Variants in NKAIN2 observed in about 807,000 individuals in gnomAD.
NKAIN2 encodes sodium/potassium transporting ATPase interacting 2, also known as sodium/potassium-transporting ATPase subunit beta-1-interacting protein 2.
NKAIN2 carries 14 observed loss-of-function variants against 32.6 expected under a neutral mutation model. That is an observed-to-expected ratio of 0.43 (90% confidence interval 0.28 to 0.67). The LOEUF (loss-of-function observed/expected upper bound fraction) is 0.67, where lower values mean the gene tolerates loss of function less well. Ranked by LOEUF, NKAIN2 falls within the 30% of genes least tolerant of loss-of-function variation. NKAIN2 has a pLI of 0.17. For missense variants in NKAIN2, 198 were observed against 258.3 expected (o/e 0.77, Z 1.60); for synonymous variants, 80 against 87.2 (o/e 0.92, Z 0.46).
At chr6:123,894,557 T>C (rs140975199) in intron 1 of NKAIN2, among the ~76,000 whole-genome samples, 6 of 151,624 alleles carry the variant, frequency 4.0e-5, no homozygotes, top group Middle Eastern at 3.4e-3. Context: ...AGGTAGAAGC[T>C]ACCAGAAAAA....
At chr6:124,510,938 A>G (rs75095944) in intron 3 of NKAIN2, among the ~76,000 whole-genome samples, 2,261 of 152,294 alleles carry the variant, frequency 0.015, 49 homozygotes, top group African/African-American at 0.051. Context: ...TAAAATATAC[A>G]TTTTTATTTG....
intron 3 of NKAIN2, among the ~76,000 whole-genome samples, chr6:124,455,129 A>G (rs1043338914): frequency 1.3e-5 from 2 of 152,104 alleles, no homozygotes; most frequent in African/African-American, 4.8e-5. Flanking sequence ...CCTTCAGGTT[A>G]CTCATCGGTG....
At chr6:124,302,190 G>A (rs1583017618) in intron 2 of NKAIN2, among the ~76,000 whole-genome samples, 1 of 152,204 alleles carries the variant, frequency 6.6e-6, no homozygotes, top group East Asian at 1.9e-4. Context: ...CATGTAAGAG[G>A]TGACTTTGCT....
chr6:124,196,583 T>C (rs1790324815), intron 1 of NKAIN2, among the ~76,000 whole-genome samples: 1 of 152,190 alleles, frequency 6.6e-6, no homozygotes, highest in Non-Finnish European at 1.5e-5. Context: ...AACCTTTGCA[T>C]CTTGGATACA....
intron 3 of NKAIN2, among the ~76,000 whole-genome samples, chr6:124,469,358 G>A (rs376126760): frequency 1.1e-4 from 16 of 152,246 alleles, no homozygotes; most frequent in African/African-American, 3.9e-4. Flanking sequence ...ATTCTGCTCA[G>A]CAGGGTTTCT....
chr6:123,883,738 C>A (rs1476296289), intron 1 of NKAIN2, among the ~76,000 whole-genome samples: 1 of 148,976 alleles, frequency 6.7e-6, no homozygotes, highest in Non-Finnish European at 1.5e-5. Context: ...AAAAAATGTA[C>A]CTCTTTTTTA....
At chr6:124,255,023 C>T (rs766771981) in intron 1 of NKAIN2, among the ~76,000 whole-genome samples, 9 of 152,116 alleles carry the variant, frequency 5.9e-5, no homozygotes, top group Non-Finnish European at 1.2e-4. Flanking sequence ...CCCTTGGCTC[C>T]GATAGTGAAC....
intron 4 of NKAIN2, among the ~76,000 whole-genome samples, chr6:124,748,191 T>C (rs1337863): frequency 0.42 from 63,018 of 151,748 alleles, 13,876 homozygotes; most frequent in Non-Finnish European, 0.51. Flanking sequence ...CTTAGCACCA[T>C]ATCAACAATT....
chr6:124,637,577 A>G (rs928279900), intron 3 of NKAIN2, among the ~76,000 whole-genome samples: 13 of 152,102 alleles, frequency 8.5e-5, no homozygotes, highest in African/African-American at 3.1e-4. Context: ...AAGTTACAAG[A>G]TATAAAATCA....
chr6:124,398,367 C>T (rs115588238), intron 3 of NKAIN2, among the ~76,000 whole-genome samples: 3,072 of 150,390 alleles, frequency 0.02, 91 homozygotes, highest in African/African-American at 0.071. Context: ...TGGGCTGAGA[C>T]GATGGCAGGA....
chr6:124,470,455 T>C (rs1185547921), intron 3 of NKAIN2, among the ~76,000 whole-genome samples: 11 of 152,080 alleles, frequency 7.2e-5, no homozygotes, highest in Admixed American at 7.2e-4. Context: ...AAGATGATGA[T>C]GAAGGTGAAA....
intron 1 of NKAIN2, among the ~76,000 whole-genome samples, chr6:124,112,220 C>T (rs1479168150): frequency 6.6e-6 from 1 of 152,172 alleles, no homozygotes; most frequent in Non-Finnish European, 1.5e-5. Flanking sequence ...AAGAACACCA[C>T]TTAACATTTC....
intron 4 of NKAIN2, among the ~76,000 whole-genome samples, chr6:124,715,180 A>T (rs2114616230): frequency 6.6e-6 from 1 of 152,322 alleles, no homozygotes; most frequent in Admixed American, 6.5e-5. Context: ...CACACTGGTT[A>T]TCCTCCCTAA....
intron 1 of NKAIN2, among the ~76,000 whole-genome samples, chr6:123,926,217 G>A (rs553609395): frequency 6.6e-6 from 1 of 152,158 alleles, no homozygotes; most frequent in Non-Finnish European, 1.5e-5. Context: ...CATTCTCTCT[G>A]CTTTTTGCTC....
chr6:123,911,297 A>G (rs1459578450), intron 1 of NKAIN2, among the ~76,000 whole-genome samples: 1 of 152,168 alleles, frequency 6.6e-6, no homozygotes, highest in Non-Finnish European at 1.5e-5. Context: ...TACAAGAAAC[A>G]TGGTGTCAGC....
chr6:124,687,004 T>C (rs997020672), intron 4 of NKAIN2, among the ~76,000 whole-genome samples: 2 of 152,042 alleles, frequency 1.3e-5, no homozygotes, highest in Admixed American at 6.6e-5. Flanking sequence ...GGATACTTCC[T>C]GCCCTTGAAC....
At chr6:123,973,749 A>G (rs1393955901) in intron 1 of NKAIN2, among the ~76,000 whole-genome samples, 3 of 152,080 alleles carry the variant, frequency 2.0e-5, no homozygotes, top group African/African-American at 7.2e-5. Flanking sequence ...TTGTTTCACC[A>G]TGTATATGAA....
chr6:124,239,650 G>A (rs1019109243), intron 1 of NKAIN2, among the ~76,000 whole-genome samples: 1 of 152,134 alleles, frequency 6.6e-6, no homozygotes, highest in African/African-American at 2.4e-5. Flanking sequence ...TGACTACTGG[G>A]TAAATAATGA....
chr6:123,877,637 G>A (rs1024008018), intron 1 of NKAIN2, among the ~76,000 whole-genome samples: 1 of 152,136 alleles, frequency 6.6e-6, no homozygotes, highest in Non-Finnish European at 1.5e-5. Flanking sequence ...GTCTGTATTT[G>A]TATGCTTTTA....
Sources: gnomAD v4.1 joint callset for allele counts (sites outside exome capture counted in the v4.1 genomes callset) on GRCh38, gnomAD v4.1.1 for gene constraint, MANE v1.5 for transcripts, NCBI Gene and HGNC (gene_info 2026-07-23, HGNC 2026-07-21) for gene names.